Variants in RNF24 observed in about 807,000 individuals in gnomAD.
RNF24 encodes ring finger protein 24.
Under a neutral mutation model 20.0 loss-of-function variants are expected in RNF24, and 14 were observed. That is an observed-to-expected ratio of 0.70 (90% CI 0.46 to 1.10). The LOEUF (loss-of-function observed/expected upper bound fraction) is 1.10, where lower values mean the gene tolerates loss of function less well. RNF24 is among the 50% of genes least tolerant of loss of function. The pLI, the probability that RNF24 is intolerant of heterozygous loss-of-function variation, is 0.00. For synonymous variants in RNF24, 45 were observed against 61.1 expected, an observed-to-expected ratio of 0.74 and a Z score of 1.23; for missense variants, 124 against 177.6, an observed-to-expected ratio of 0.70 and a Z score of 1.71.
chr20:3,945,904 T>C (rs1183986560), intron 3 of RNF24, among the ~76,000 whole-genome samples: 1 of 152,138 alleles, frequency 6.6e-6, no homozygotes, highest in East Asian at 1.9e-4. Context: ...CAAGTAAAAT[T>C]TGAGGGAAAA....
intron 3 of RNF24, among the ~76,000 whole-genome samples, chr20:3,947,821 C>T (rs541068797): frequency 3.2e-4 from 48 of 152,138 alleles, no homozygotes; most frequent in Non-Finnish European, 5.0e-4. Flanking sequence ...CCGAGGCGGG[C>T]GGATCACCTG....
intron 4 of RNF24, among the ~76,000 whole-genome samples, chr20:3,942,715 C>T (rs181730244): frequency 2.6e-5 from 4 of 152,172 alleles, no homozygotes; most frequent in Admixed American, 6.5e-5. Context: ...CCCTGTGATC[C>T]GCCTGCCTCG....
chr20:3,966,133 CAAAAAAAAAAAAAAAAAA>C (rs574975352), intron 1 of RNF24, among the ~76,000 whole-genome samples: 1 of 81,468 alleles, frequency 1.2e-5, no homozygotes, highest in East Asian at 4.1e-4. Context: ...GATTCCATCT[CAAAAAAAAAAAAAAAAAA>C]AAAAAAAAGA....
intron 4 of RNF24, among the ~76,000 whole-genome samples, chr20:3,944,158 G>A (rs1389250525): frequency 2.7e-5 from 4 of 149,806 alleles, no homozygotes; most frequent in Admixed American, 2.0e-4. Flanking sequence ...TGTAGTGAGC[G>A]GAGATTGCAC....
chr20:3,937,834 C>T (rs533365878), intron 4 of RNF24, among the ~76,000 whole-genome samples: 7 of 152,142 alleles, frequency 4.6e-5, no homozygotes, highest in South Asian at 4.1e-4. Flanking sequence ...ATGTATGTAC[C>T]GCATTTTGTT....
chr20:4,006,463 GACA>G (rs1981885576), intron 1 of RNF24, among the ~76,000 whole-genome samples: 1 of 151,822 alleles, frequency 6.6e-6, no homozygotes, highest in Non-Finnish European at 1.5e-5. Flanking sequence ...TTTAGAAGAT[GACA>G]ACAAAAGGAA....
In RNF24 at chr20:3,956,812, T is replaced by C. The variant is rs77416734; in HGVS notation, c.143+7063A>G. 4.5e-3 allele frequency among the ~76,000 whole-genome samples: 689 copies of C among 152,342 alleles called. 14 individuals are homozygous for C. Among genetic ancestry groups the C allele is most frequent in the Admixed American group, 0.029 (447 of 15,290 alleles). ...TAGGGTTTTTGCTTGTTTTACATTT[T>C]ATTTCTTTACATGAAAAAATACCAT... On this transcript the variant is annotated intron_variant, in intron 2 of 5. Coordinates refer to ENST00000358395, the MANE Select transcript of RNF24 (RefSeq NM_001134337.3).
At chr20:3,983,022 TTCTC>T (rs549388639) in intron 1 of RNF24, among the ~76,000 whole-genome samples, 19 of 152,320 alleles carry the variant, frequency 1.2e-4, no homozygotes, top group Non-Finnish European at 1.8e-4. Flanking sequence ...TTGTGTTTGT[TTCTC>T]TCTGTCTTTC....
In RNF24 at chr20:3,977,820, C is replaced by T. The variant is rs545630696; in HGVS notation, c.-7-13796G>A. ...CAGAGCTTGCAGCGAGCAGAGATTG[C>T]GCCACTGCACTCCAGCCTGGGCGAC... On this transcript the variant is annotated intron_variant, in intron 1 of 5. Coordinates refer to ENST00000358395, the MANE Select transcript of RNF24 (RefSeq NM_001134337.3). 9.0e-4 allele frequency among the ~76,000 whole-genome samples: 134 copies of T among 148,206 alleles called. 1 individual carries two copies. Among genetic ancestry groups the T allele is most frequent in the African/African-American group, 3.2e-3 (127 of 40,226 alleles).
At chr20:3,956,302 T>G (rs1024998196) in intron 2 of RNF24, among the ~76,000 whole-genome samples, 1 of 151,644 alleles carries the variant, frequency 6.6e-6, no homozygotes, top group Non-Finnish European at 1.5e-5. Flanking sequence ...TTGTGTCAGT[T>G]TTGATACACC....
At chr20:3,954,950 G>A (rs1038651253) in intron 2 of RNF24, among the ~76,000 whole-genome samples, 2 of 150,710 alleles carry the variant, frequency 1.3e-5, no homozygotes, top group African/African-American at 4.9e-5. Context: ...CTTTTTCACA[G>A]CAGCTGCATC....
intron 1 of RNF24, among the ~76,000 whole-genome samples, chr20:3,989,947 C>T (rs6052220): frequency 0.13 from 20,350 of 152,030 alleles, 1,546 homozygotes; most frequent in Non-Finnish European, 0.17. Flanking sequence ...ACCTAGCCTA[C>T]GCTGGCAGAT....
Position 3,994,877 on chromosome 20 carries a change from A to C in RNF24, c.-8+20560T>G, listed in dbSNP as rs1458583389. On this transcript the variant is annotated intron_variant, in intron 1 of 5. Coordinates refer to ENST00000358395, the MANE Select transcript of RNF24 (RefSeq NM_001134337.3). The stretch of plus-strand genomic sequence containing the variant: ...GAATGCATAAACTGCACGTACTAAA[A>C]GTGAAATAAAGAAGTTTAGTAAACC... Among the ~76,000 whole-genome samples the C allele has an allele frequency of 2.0e-5, 3 of 152,246 alleles. No individual in the cohort carries two copies. The East Asian group carries it at 5.8e-4, about 29-fold the overall frequency.
intron 1 of RNF24, chr20:3,974,256 C>G: frequency 6.8e-7 from 1 of 1,479,032 alleles, no homozygotes; most frequent in Non-Finnish European, 9.1e-7. Context: ...AACAAACCGG[C>G]AAAAACCAAC....
intron 1 of RNF24, among the ~76,000 whole-genome samples, chr20:3,997,426 C>T (rs1193885556): frequency 6.6e-6 from 1 of 151,144 alleles, no homozygotes; most frequent in East Asian, 1.9e-4. Flanking sequence ...CAGAAAAATA[C>T]AGGATTTTTT....
chr20:3,999,958 C>A (rs1043348399), intron 1 of RNF24, among the ~76,000 whole-genome samples: 1 of 152,004 alleles, frequency 6.6e-6, no homozygotes, highest in Non-Finnish European at 1.5e-5. Flanking sequence ...ATAAGCAAAT[C>A]TATAGAAATA....
intron 1 of RNF24, among the ~76,000 whole-genome samples, chr20:3,996,530 T>A (rs1231134827): frequency 6.6e-6 from 1 of 152,144 alleles, no homozygotes; most frequent in East Asian, 1.9e-4. Context: ...TGAGTCTGTA[T>A]CAGAGACTGA....
intron 1 of RNF24, among the ~76,000 whole-genome samples, chr20:3,968,037 G>A (rs2091277864): frequency 6.6e-6 from 1 of 151,680 alleles, no homozygotes; most frequent in African/African-American, 2.4e-5. Context: ...TGGGTGCGGT[G>A]GCTCACGCCT....
chr20:3,977,911 C>T (rs546271790), intron 1 of RNF24, among the ~76,000 whole-genome samples: 2 of 149,950 alleles, frequency 1.3e-5, no homozygotes, highest in East Asian at 1.9e-4. Context: ...TTGGCACACA[C>T]ACAAAAAACC....
Sources: gnomAD v4.1 joint callset for allele counts (sites outside exome capture counted in the v4.1 genomes callset) on GRCh38, gnomAD v4.1.1 for gene constraint, MANE v1.5 for transcripts, NCBI Gene and HGNC (gene_info 2026-07-23, HGNC 2026-07-21) for gene names.